GTF2A1: variants seen among roughly 807,000 people sequenced by gnomAD.
GTF2A1 encodes general transcription factor IIA subunit 1.
A neutral mutation model predicts 54.1 loss-of-function variants in GTF2A1; 12 were observed. The ratio of observed to expected loss-of-function variants is 0.22; its 90% CI spans 0.14 to 0.36. The LOEUF is 0.36. GTF2A1 is among the 10% of genes least tolerant of loss of function. The pLI, the probability that GTF2A1 is intolerant of heterozygous loss-of-function variation, is 1.00. For missense variants in GTF2A1, 335 were observed against 442.2 expected, an observed-to-expected ratio of 0.76 and a Z score of 2.17; for synonymous variants, 145 against 152.0, an observed-to-expected ratio of 0.95 and a Z score of 0.34.
At chr14:81,201,403 C>A (rs77643161) in intron 4 of GTF2A1, among the ~76,000 whole-genome samples, 191 bp downstream of exon 4, 4,460 of 152,178 alleles carry the variant, frequency 0.029, 89 homozygotes, top group East Asian at 0.055. Context: ...TAAACAATTC[C>A]GTAATTTTAT....
At position 81,192,055 on chromosome 14, in the gene GTF2A1, A is replaced by G. The variant is rs372741175; in HGVS notation, c.933+464T>C. Among the ~76,000 whole-genome samples, 10 of 152,316 alleles carry G rather than the reference A, an allele frequency of 6.6e-5. 1 individual carries two copies. In the East Asian group the frequency reaches 7.7e-4, roughly 12 times the overall value. Reference sequence around the variant, plus strand: ...TTAAGGGTACATAGGTTTTTAAGGAAGTGGTATAGAACATGGACCAAAAGG... The same window carrying G: ...TTAAGGGTACATAGGTTTTTAAGGAGGTGGTATAGAACATGGACCAAAAGG... On this transcript the variant is annotated intron_variant, in intron 7 of 8. Transcript: ENST00000553612.
chr14:81,207,500 G>A (rs755064724), intron 2 of GTF2A1, among the ~76,000 whole-genome samples: 13 of 151,870 alleles, frequency 8.6e-5, no homozygotes, highest in East Asian at 1.9e-4. Context: ...CATCAGCAGC[G>A]TGAAAACAAA....
Position 81,179,075 on chromosome 14 carries a change from GAA to G in GTF2A1, c.*1146_*1147del, listed in dbSNP as rs1479947850. ...CAATGGCCTGGAAGGGCCACCAAAT[GAA>G]AGAGAGGTAACTTAGTGGCCCACCC... On this transcript the variant is annotated 3_prime_UTR_variant, in exon 9 of 9. Coordinates refer to ENST00000553612, the MANE Select transcript of GTF2A1 (RefSeq NM_015859.4). The G allele has an allele frequency of 6.6e-6, 1 of 152,192 alleles. No homozygotes were observed. Among genetic ancestry groups the G allele is most frequent in the Non-Finnish European group, 1.5e-5 (1 of 68,030 alleles). 9.4% of individuals were successfully genotyped at this position (152,192 alleles called of 1,614,324 possible).
At chr14:81,189,765 C>T (rs570864717) in intron 7 of GTF2A1, among the ~76,000 whole-genome samples, 13 of 152,148 alleles carry the variant, frequency 8.5e-5, no homozygotes, top group African/African-American at 3.1e-4. Context: ...CAGACACATA[C>T]AAATACCAAA....
At chr14:81,207,585 G>A (rs1044820894) in intron 2 of GTF2A1, among the ~76,000 whole-genome samples, 1 of 152,206 alleles carries the variant, frequency 6.6e-6, no homozygotes, top group African/African-American at 2.4e-5. Flanking sequence ...AGCGACTGTG[G>A]AACTGTGTAA....
In GTF2A1 at chr14:81,176,828, CT is replaced by C. The variant is rs1169562350; in HGVS notation, c.*3394del. 27 of 151,538 alleles carry C rather than the reference CT, an allele frequency of 1.8e-4. No homozygotes were observed. Among genetic ancestry groups the C allele is most frequent in the Admixed American group, 1.7e-3 (26 of 15,222 alleles). The allele number at this position is 151,538 out of a possible 1,614,324, so 9.4% of individuals were successfully genotyped here. ...AACAAACTATTACATTGCACAAAAGCTTAAAAAAAAGAAAGTTCAAGATGAA... is the reference window on the plus strand; with the variant it reads ...AACAAACTATTACATTGCACAAAAGCTAAAAAAAAGAAAGTTCAAGATGAA... On this transcript the variant is annotated 3_prime_UTR_variant, in exon 9 of 9. Transcript: ENST00000553612.
In GTF2A1 at chr14:81,183,729, G is replaced by A. The variant is rs192755933; in HGVS notation, c.1023+1802C>T. 5.3e-5 allele frequency among the ~76,000 whole-genome samples: 8 copies of A among 152,266 alleles called. No homozygotes were observed. The East Asian group carries it at 9.7e-4, about 18-fold the overall frequency. On this transcript the variant is annotated intron_variant, in intron 8 of 8. Transcript: ENST00000553612. ...TGTATCAGCCCTTATCCACCCACAC[G>A]TAAGCAAGAACTCTACCATATTATT... is the stretch of plus-strand genomic sequence containing the variant.
intron 2 of GTF2A1, among the ~76,000 whole-genome samples, chr14:81,213,950 C>T (rs577419558): frequency 2.0e-4 from 30 of 151,774 alleles, no homozygotes; most frequent in Non-Finnish European, 3.8e-4. Context: ...TCAAGCCATT[C>T]TCCTGCCTCA....
At chr14:81,185,946 G>A (rs888048560) in intron 7 of GTF2A1, among the ~76,000 whole-genome samples, 9 of 151,984 alleles carry the variant, frequency 5.9e-5, no homozygotes, top group Admixed American at 4.6e-4. Flanking sequence ...TCTGCCTCCC[G>A]GCTTCGAGCA....
chr14:81,207,920 T>C (rs1379252866), intron 2 of GTF2A1, among the ~76,000 whole-genome samples: 1 of 152,222 alleles, frequency 6.6e-6, no homozygotes, highest in African/African-American at 2.4e-5. Flanking sequence ...AAAGGTGACT[T>C]GGGTGCTGTT....
intron 2 of GTF2A1, chr14:81,209,913 G>C: frequency 7.8e-7 from 1 of 1,274,228 alleles, no homozygotes; most frequent in Non-Finnish European, 1.0e-6. Context: ...ACATCTTCTG[G>C]GCAGCAACTG....
At chr14:81,189,373 T>A (rs1348026548) in intron 7 of GTF2A1, among the ~76,000 whole-genome samples, 1 of 152,018 alleles carries the variant, frequency 6.6e-6, no homozygotes, top group East Asian at 1.9e-4. Context: ...CACTCAGTAG[T>A]AAAAAATGGA....
chr14:81,197,242 TAC>T, intron 5 of GTF2A1, 165 bp downstream of exon 5: 1 of 538,124 alleles, frequency 1.9e-6, no homozygotes, highest in Middle Eastern at 5.0e-4. Context: ...CAACAACGAT[TAC>T]AGTTATATGT....
intron 2 of GTF2A1, among the ~76,000 whole-genome samples, chr14:81,211,749 T>C (rs574196391): frequency 6.6e-6 from 1 of 151,976 alleles, no homozygotes; most frequent in South Asian, 2.1e-4. Context: ...ATATTACACT[T>C]CTAGGTTCCC....
chr14:81,190,906 T>C (rs1208998044), intron 7 of GTF2A1, among the ~76,000 whole-genome samples: 2 of 152,104 alleles, frequency 1.3e-5, no homozygotes, highest in Non-Finnish European at 2.9e-5. Context: ...ATTAGGACGG[T>C]GGCTGGTTCA....
intron 8 of GTF2A1, among the ~76,000 whole-genome samples, chr14:81,183,168 G>GTAT (rs1555388837): frequency 3.3e-5 from 5 of 152,160 alleles, no homozygotes; most frequent in African/African-American, 1.2e-4. Flanking sequence ...GATCATTAGT[G>GTAT]TATCTCAAGC....
chr14:81,202,164 G>A (rs1424226352), intron 3 of GTF2A1, among the ~76,000 whole-genome samples: 1 of 152,034 alleles, frequency 6.6e-6, no homozygotes, highest in Non-Finnish European at 1.5e-5. Flanking sequence ...AGGATGCAAG[G>A]GAATTTAGGA....
Position 81,178,228 on chromosome 14 carries a change from C to A in GTF2A1, c.*1995G>T, listed in dbSNP as rs560365462. ...GCCAAAGGGTTTCACTTAAGCAACACTGCAGCACTGCTGAATTTTTATAGG... is the reference window on the plus strand; with the variant it reads ...GCCAAAGGGTTTCACTTAAGCAACAATGCAGCACTGCTGAATTTTTATAGG... On this transcript the variant is annotated 3_prime_UTR_variant, in exon 9 of 9. Coordinates refer to ENST00000553612, the MANE Select transcript of GTF2A1 (RefSeq NM_015859.4). 2.6e-5 allele frequency: 4 copies of A among 152,196 alleles called. No homozygotes were observed. The East Asian group carries it at 7.7e-4, about 29-fold the overall frequency. The allele number at this position is 152,196 out of a possible 1,614,324, so 9.4% of individuals were successfully genotyped here.
intron 2 of GTF2A1, among the ~76,000 whole-genome samples, chr14:81,215,962 G>T (rs531340380): frequency 1.3e-5 from 2 of 152,238 alleles, no homozygotes; most frequent in African/African-American, 4.8e-5. Context: ...AGAGGTTGCA[G>T]TAAGTCCAGA....
Sources: allele counts gnomAD v4.1 joint callset (sites outside exome capture counted in the v4.1 genomes callset), GRCh38; gene constraint gnomAD v4.1.1; transcripts MANE v1.5; gene names NCBI Gene and HGNC (gene_info 2026-07-23, HGNC 2026-07-21).